Variants in PPP2R2B observed in about 807,000 individuals in gnomAD.
PPP2R2B encodes serine/threonine-protein phosphatase 2A 55 kDa regulatory subunit B beta isoform.
In PPP2R2B, 5 loss-of-function variants were observed where a neutral mutation model predicts 46.0. The ratio of observed to expected loss-of-function variants is 0.11; its 90% CI spans 0.06 to 0.23. PPP2R2B has a LOEUF of 0.23. PPP2R2B is among the 10% of genes least tolerant of loss of function. The pLI is 1.00. For missense variants in PPP2R2B, 367 were observed against 575.0 expected (o/e 0.64, Z 3.70); for synonymous variants, 215 against 206.7 (o/e 1.04, Z -0.34).
chr5:147,073,209 G>A (rs751226476), intron 2 of PPP2R2B, among the ~76,000 whole-genome samples: 7 of 152,122 alleles, frequency 4.6e-5, no homozygotes, highest in Non-Finnish European at 8.8e-5. Flanking sequence ...TAGCCATGGA[G>A]TTTTTTTCTC....
chr5:146,712,408 G>T (rs879385039), intron 2 of PPP2R2B, among the ~76,000 whole-genome samples: 1 of 152,110 alleles, frequency 6.6e-6, no homozygotes, highest in African/African-American at 2.4e-5. Context: ...AACTAGTGTT[G>T]ATTTTCATCA....
At chr5:146,601,953 A>G (rs531774566) in intron 7 of PPP2R2B, among the ~76,000 whole-genome samples, 1 of 152,338 alleles carries the variant, frequency 6.6e-6, no homozygotes, top group African/African-American at 2.4e-5. Context: ...ATTGGAGCCC[A>G]TCACAAACTG....
chr5:147,024,084 C>G (rs1422254361), intron 1 of PPP2R2B, among the ~76,000 whole-genome samples: 1 of 152,146 alleles, frequency 6.6e-6, no homozygotes, highest in Non-Finnish European at 1.5e-5. Flanking sequence ...CTCCAAATTG[C>G]AGATAGCATA....
At chr5:146,652,110 G>A (rs1247995004) in intron 5 of PPP2R2B, among the ~76,000 whole-genome samples, 4 of 152,164 alleles carry the variant, frequency 2.6e-5, no homozygotes, top group South Asian at 4.2e-4. Flanking sequence ...TCCCAATTAC[G>A]GATAAGGGCC....
intron 1 of PPP2R2B, among the ~76,000 whole-genome samples, chr5:147,055,347 C>T (rs1417705561): frequency 6.6e-6 from 1 of 152,216 alleles, no homozygotes; most frequent in Non-Finnish European, 1.5e-5. Context: ...GTTTTCTTGA[C>T]ACTGGTTCCA....
intron 6 of PPP2R2B, among the ~76,000 whole-genome samples, chr5:146,644,057 C>A (rs1042635800): frequency 2.0e-5 from 3 of 151,958 alleles, no homozygotes; most frequent in African/African-American, 7.3e-5. Context: ...GGGCAGTTTG[C>A]CAACCTGTTC....
At chr5:146,746,571 C>A (rs543694985) in intron 2 of PPP2R2B, among the ~76,000 whole-genome samples, 29 of 152,272 alleles carry the variant, frequency 1.9e-4, no homozygotes, top group African/African-American at 6.3e-4. Context: ...AACAGGGCTT[C>A]CAGGACGACT....
chr5:146,679,288 T>C (rs1174990975), intron 5 of PPP2R2B, among the ~76,000 whole-genome samples: 2 of 17,658 alleles, frequency 1.1e-4, no homozygotes, highest in Non-Finnish European at 1.6e-4. Context: ...AAACAAGCAA[T>C]GGGGAAAGGA....
chr5:146,734,793 C>A (rs990148294), intron 2 of PPP2R2B, among the ~76,000 whole-genome samples: 3 of 152,156 alleles, frequency 2.0e-5, no homozygotes, highest in Non-Finnish European at 4.4e-5. Flanking sequence ...TTGCCTGGTA[C>A]CTTCCATATA....
chr5:146,972,967 A>G (rs1250294972), intron 1 of PPP2R2B, among the ~76,000 whole-genome samples: 1 of 152,078 alleles, frequency 6.6e-6, no homozygotes, highest in East Asian at 1.9e-4. Flanking sequence ...TTTTTGCCAT[A>G]TAGATTTTAA....
intron 1 of PPP2R2B, among the ~76,000 whole-genome samples, chr5:147,016,898 T>A (rs945504163): frequency 6.6e-6 from 1 of 151,496 alleles, no homozygotes; most frequent in African/African-American, 2.4e-5. Context: ...AAATGCAAAG[T>A]TGGAGAGAAA....
intron 1 of PPP2R2B, among the ~76,000 whole-genome samples, chr5:146,993,623 A>G (rs1253540501): frequency 1.3e-5 from 2 of 152,202 alleles, no homozygotes; most frequent in African/African-American, 4.8e-5. Context: ...ACTGTGTGAT[A>G]CACAGAAGCA....
intron 2 of PPP2R2B, among the ~76,000 whole-genome samples, chr5:146,757,039 G>C (rs943498520): frequency 6.6e-6 from 1 of 152,130 alleles, no homozygotes; most frequent in Non-Finnish European, 1.5e-5. Flanking sequence ...CTTGTTTTTA[G>C]GATGTGAAAG....
At chr5:146,698,317 A>AATATATATATATATAT (rs35533710) in intron 3 of PPP2R2B, among the ~76,000 whole-genome samples, 173 bp from the exon 4 acceptor site, 1 of 85,626 alleles carries the variant, frequency 1.2e-5, no homozygotes, top group Non-Finnish European at 2.0e-5. Context: ...AAAAAAAAAA[A>AATATATATATATATAT]ATATATATAT....
At chr5:146,804,154 G>A (rs1026382727) in intron 2 of PPP2R2B, among the ~76,000 whole-genome samples, 3 of 150,830 alleles carry the variant, frequency 2.0e-5, no homozygotes, top group Non-Finnish European at 2.9e-5. Context: ...GTGACAGAGG[G>A]AGACTCTGTC....
chr5:146,641,333 T>C (rs1332773883), intron 6 of PPP2R2B, among the ~76,000 whole-genome samples: 2 of 152,146 alleles, frequency 1.3e-5, no homozygotes, highest in African/African-American at 2.4e-5. Flanking sequence ...CCTTGAGGAA[T>C]GGCCTCACAA....
rs540679649 is a variant in PPP2R2B, at chr5:147,031,154, G to A, written c.79+24511C>T. ...CGGGAGGCTGAGGCAGGAGAATGGC[G>A]TGAACCCGGGAGGCGGAGCTTGCAG... On this transcript the variant is annotated intron_variant, in intron 1 of 8. Transcript: ENST00000336640. Among the ~76,000 whole-genome samples, 439 of 152,030 alleles carry A rather than the reference G, an allele frequency of 2.9e-3. 2 individuals carry two copies. The highest frequency in any genetic ancestry group is 0.01 in the African/African-American group (415 of 41,488).
chr5:146,799,162 A>G (rs1756714503), intron 2 of PPP2R2B, among the ~76,000 whole-genome samples: 1 of 152,328 alleles, frequency 6.6e-6, no homozygotes, highest in Admixed American at 6.5e-5. Context: ...GAGGAGGCCA[A>G]CCTAGGTTCT....
At chr5:146,953,451 A>G (rs1362222754) in intron 1 of PPP2R2B, among the ~76,000 whole-genome samples, 3 of 152,148 alleles carry the variant, frequency 2.0e-5, no homozygotes, top group Non-Finnish European at 2.9e-5. Context: ...ATTACTATAG[A>G]ACAAGCATTT....
Sources: gnomAD v4.1 joint callset for allele counts (sites outside exome capture counted in the v4.1 genomes callset) on GRCh38, gnomAD v4.1.1 for gene constraint, MANE v1.5 for transcripts, NCBI Gene and HGNC (gene_info 2026-07-23, HGNC 2026-07-21) for gene names.